The following S100PBP variants were observed in gnomAD, a reference collection of about 807,000 sequenced individuals.
S100PBP encodes the protein S100P-binding protein.
In S100PBP, 15 loss-of-function variants were observed where a neutral mutation model predicts 39.9. That is an observed-to-expected ratio of 0.38 (90% CI 0.25 to 0.58). S100PBP has a LOEUF of 0.58. S100PBP is among the 20% of genes least tolerant of loss of function. The pLI is 0.70. For synonymous variants in S100PBP, 178 were observed against 180.3 expected (o/e 0.99, Z 0.10); for missense variants, 504 against 487.3 (o/e 1.03, Z -0.32).
At position 32,826,399 on chromosome 1, in the gene S100PBP, A is replaced by G. The variant is rs1639324681; in HGVS notation, c.300A>G (p.Ser100=). The G allele has an allele frequency of 1.2e-6, 2 of 1,614,172 alleles. No homozygotes were observed. Among genetic ancestry groups the G allele is most frequent in the Non-Finnish European group, 8.5e-7 (1 of 1,180,032 alleles). ...TTGATACTCCCCGAGAGAAAAATTC[A>G]TCGTACAGCCTGGGACCAGTAGCTG... ...ILLDTPREKN[S]SYSLGPVAET... is the part of the protein sequence containing the mutation. Residue 100 remains serine, a synonymous_variant, in exon 3 of 7, where the codon TCA becomes TCG. Transcript: ENST00000373475.
chr1:32,845,111 G>A (rs1014648451), intron 5 of S100PBP, among the ~76,000 whole-genome samples: 5 of 151,734 alleles, frequency 3.3e-5, no homozygotes, highest in Non-Finnish European at 5.9e-5. Flanking sequence ...TGCAGGCTCC[G>A]CTCCCCAGGT....
intron 1 of S100PBP, among the ~76,000 whole-genome samples, chr1:32,819,665 A>C (rs1363546855): frequency 6.6e-6 from 1 of 152,210 alleles, no homozygotes; most frequent in Non-Finnish European, 1.5e-5. Context: ...CAGAGAAGTA[A>C]GCAAGCCTTC....
Position 32,824,815 on chromosome 1 carries a change from A to G in S100PBP, c.-119-498A>G, listed in dbSNP as rs997298128. The G allele has an allele frequency of 4.8e-4, 27 of 56,350 alleles. No homozygotes were observed. The Middle Eastern group carries it at 0.025, about 52-fold the overall frequency. 3.5% of individuals were successfully genotyped at this position (56,350 alleles called of 1,614,324 possible). On this transcript the variant is annotated intron_variant, in intron 1 of 6. Coordinates refer to ENST00000373475, the MANE Select transcript of S100PBP (RefSeq NM_022753.4). ...CTAATGACCTTTTTTTTTTTTTTGCATTTTTTCTATACATATATATATATA... is the reference window on the plus strand; with the variant it reads ...CTAATGACCTTTTTTTTTTTTTTGCGTTTTTTCTATACATATATATATATA...
intron 5 of S100PBP, among the ~76,000 whole-genome samples, chr1:32,840,751 AT>A (rs1319057480): frequency 1.2e-4 from 18 of 152,106 alleles, no homozygotes; most frequent in African/African-American, 4.1e-4. Flanking sequence ...GTGATATCTC[AT>A]TGTAGTTTTC....
At chr1:32,843,186 CT>C (rs1271042370) in intron 5 of S100PBP, 1 of 152,100 alleles carries the variant, frequency 6.6e-6, no homozygotes. Context: ...CAGGTTTTCC[CT>C]GTAGGTTATC....
At position 32,826,621 on chromosome 1, in the gene S100PBP, C is replaced by G; in HGVS notation, c.522C>G (p.Leu174=). The change falls in exon 3 of 7, where the codon CTC becomes CTG. Residue 174 remains leucine, a synonymous_variant. Coordinates refer to ENST00000373475, the MANE Select transcript of S100PBP (RefSeq NM_022753.4). ...ETDSSKDTEK[L]SSLGEEMRED... ...ATTCGTCCAAAGATACTGAAAAACT[C>G]TCTTCCCTTGGAGAAGAGATGAGAG... 1.9e-6 allele frequency: 3 copies of G among 1,614,124 alleles called. No individual in the cohort carries two copies. Among genetic ancestry groups the G allele is most frequent in the Non-Finnish European group, 2.5e-6 (3 of 1,180,038 alleles).
At chr1:32,840,691 G>T (rs1640047459) in intron 5 of S100PBP, among the ~76,000 whole-genome samples, 1 of 151,924 alleles carries the variant, frequency 6.6e-6, no homozygotes, top group African/African-American at 2.4e-5. Context: ...CATCCTAATG[G>T]GTGTAAAGTG....
chr1:32,853,503 G>A (rs970595068), intron 6 of S100PBP, among the ~76,000 whole-genome samples: 1 of 144,036 alleles, frequency 6.9e-6, no homozygotes, highest in African/African-American at 2.6e-5. Context: ...TGGGGGGGGG[G>A]CGCGTGAAAT....
intron 4 of S100PBP, among the ~76,000 whole-genome samples, chr1:32,829,436 C>CT (rs1235366051): frequency 6.6e-6 from 1 of 152,026 alleles, no homozygotes; most frequent in Non-Finnish European, 1.5e-5. Flanking sequence ...GAGGTTGTAT[C>CT]TATTTCCTTC....
intron 5 of S100PBP, among the ~76,000 whole-genome samples, chr1:32,831,565 A>G (rs920529574): frequency 2.6e-5 from 4 of 152,036 alleles, no homozygotes; most frequent in Admixed American, 2.6e-4. Flanking sequence ...AGAATTTTTT[A>G]TCCCGTATCC....
intron 5 of S100PBP, among the ~76,000 whole-genome samples, chr1:32,851,260 A>T (rs1399083399): frequency 6.6e-6 from 1 of 152,168 alleles, no homozygotes; most frequent in Non-Finnish European, 1.5e-5. Flanking sequence ...TGAAAATATG[A>T]GTCTGTAGCC....
At chr1:32,822,153 G>T (rs1345225003) in intron 1 of S100PBP, among the ~76,000 whole-genome samples, 1 of 152,132 alleles carries the variant, frequency 6.6e-6, no homozygotes, top group Non-Finnish European at 1.5e-5. Flanking sequence ...ATGATACAAT[G>T]CCTGGGATTT....
intron 1 of S100PBP, among the ~76,000 whole-genome samples, chr1:32,820,976 A>G (rs1639029769): frequency 1.3e-5 from 2 of 151,206 alleles, no homozygotes; most frequent in South Asian, 4.2e-4. Flanking sequence ...ACCCTGTCTC[A>G]AAAAAATAAC....
intron 5 of S100PBP, among the ~76,000 whole-genome samples, chr1:32,850,212 T>TATAG (rs745313422): frequency 1.3e-5 from 2 of 152,250 alleles, no homozygotes; most frequent in Non-Finnish European, 2.9e-5. Flanking sequence ...GGACATGTTC[T>TATAG]ATAGATAATC....
At chr1:32,820,308 G>A (rs1557477216) in intron 1 of S100PBP, among the ~76,000 whole-genome samples, 1 of 151,932 alleles carries the variant, frequency 6.6e-6, no homozygotes. Context: ...CACACACCCG[G>A]CTAATCTTTG....
chr1:32,854,277 C>T (rs1021701648), intron 6 of S100PBP, among the ~76,000 whole-genome samples: 4 of 152,198 alleles, frequency 2.6e-5, no homozygotes, highest in African/African-American at 9.6e-5. Flanking sequence ...TATAAAATGC[C>T]ATAGTGTTTG....
At chr1:32,845,683 CTTTTT>C (rs201215253) in intron 5 of S100PBP, among the ~76,000 whole-genome samples, 5 of 140,760 alleles carry the variant, frequency 3.6e-5, no homozygotes, top group Non-Finnish European at 3.1e-5. Flanking sequence ...TTTTCATTTT[CTTTTT>C]TTTTTTTTTT....
At chr1:32,827,630 C>T (rs1053867466) in intron 3 of S100PBP, among the ~76,000 whole-genome samples, 2 of 152,070 alleles carry the variant, frequency 1.3e-5, no homozygotes, top group Non-Finnish European at 2.9e-5. Context: ...TACAAACATG[C>T]ACCACCATGC....
intron 5 of S100PBP, among the ~76,000 whole-genome samples, chr1:32,845,597 T>TTTGTAGAGA (rs1395619689): frequency 6.6e-6 from 1 of 152,046 alleles, no homozygotes. Context: ...TTGAGAACTT[T>TTTGTAGAGA]CTATTTTCTC....
Sources: allele counts gnomAD v4.1 joint callset (sites outside exome capture counted in the v4.1 genomes callset), GRCh38; gene constraint gnomAD v4.1.1; transcripts MANE v1.5; gene names NCBI Gene and HGNC (gene_info 2026-07-23, HGNC 2026-07-21).